The following ABCE1 variants were observed in gnomAD, a reference collection of about 807,000 sequenced individuals.
ABCE1 encodes the protein ATP-binding cassette sub-family E member 1.
In ABCE1, 22 loss-of-function variants were observed where a neutral mutation model predicts 83.4. That is an observed-to-expected ratio of 0.26 (90% CI 0.19 to 0.38). The LOEUF (loss-of-function observed/expected upper bound fraction) is 0.38. Ranked by LOEUF, ABCE1 falls within the 10% of genes least tolerant of loss-of-function variation. The pLI is 1.00. For synonymous variants in ABCE1, 204 were observed against 233.7 expected (o/e 0.87, Z 1.16); for missense variants, 330 against 721.9 (o/e 0.46, Z 6.22).
At chr4:145,100,313 C>T (rs1190861197) in intron 1 of ABCE1, among the ~76,000 whole-genome samples, 4 of 152,166 alleles carry the variant, frequency 2.6e-5, no homozygotes. Context: ...GTGATCACTG[C>T]CCTCAGCCAG....
intron 1 of ABCE1, among the ~76,000 whole-genome samples, 175 bp from the exon 2 acceptor site, chr4:145,104,211 C>T (rs1185598100): frequency 2.0e-5 from 3 of 151,666 alleles, no homozygotes; most frequent in Admixed American, 6.6e-5. Context: ...ATTTTCCCAA[C>T]CTTACTAGAT....
intron 1 of ABCE1, among the ~76,000 whole-genome samples, chr4:145,101,242 T>C (rs1009724601): frequency 2.0e-5 from 3 of 152,144 alleles, no homozygotes; most frequent in African/African-American, 7.2e-5. Context: ...GAGTAAGCCA[T>C]GTAACTCTCT....
At chr4:145,098,774 ACT>A (rs1748981517) in intron 1 of ABCE1, among the ~76,000 whole-genome samples, 1 of 152,168 alleles carries the variant, frequency 6.6e-6, no homozygotes, top group African/African-American at 2.4e-5. Flanking sequence ...AACTTACAGC[ACT>A]CTCTAGTACC....
At chr4:145,124,146 G>A (rs1420427998) in intron 16 of ABCE1, among the ~76,000 whole-genome samples, 2 of 152,132 alleles carry the variant, frequency 1.3e-5, no homozygotes, top group Non-Finnish European at 2.9e-5. Context: ...ATCAAGTTAT[G>A]AGAAATTCAT....
At chr4:145,102,767 G>A (rs939762594) in intron 1 of ABCE1, among the ~76,000 whole-genome samples, 1 of 152,206 alleles carries the variant, frequency 6.6e-6, no homozygotes, top group African/African-American at 2.4e-5. Flanking sequence ...AGAGTTGTTG[G>A]ATTGTTGTGT....
At chr4:145,114,066 TACTA>T (rs899921285) in intron 9 of ABCE1, among the ~76,000 whole-genome samples, 37 of 152,282 alleles carry the variant, frequency 2.4e-4, no homozygotes, top group Admixed American at 4.6e-4. Context: ...GTTCTACAGA[TACTA>T]ACTAATTCAT....
Position 145,111,046 on chromosome 4 carries a change from G to T in ABCE1, c.692G>T (p.Cys231Phe), listed in dbSNP as rs1749456180. ...CAGAGATTTGCTTGTGCTGTCGTTT[G>T]CATACAGAAAGCTGATATGTAGGTT... Reference protein sequence around the residue: ...ELQRFACAVVCIQKADIFMFD... With the variant: ...ELQRFACAVVFIQKADIFMFD... The change falls in exon 8 of 18, where the codon TGC (cysteine) becomes TTC (phenylalanine). Residue 231 changes from cysteine (C) to phenylalanine (F), a missense_variant. Physicochemically the swap from Cys to Phe is radical, Grantham distance 205. Transcript: ENST00000296577. The T allele has an allele frequency of 6.2e-7, 1 of 1,610,740 alleles. No homozygotes were observed. Among genetic ancestry groups the T allele is most frequent in the Admixed American group, 1.7e-5 (1 of 59,498 alleles).
In ABCE1 at chr4:145,128,497, A is replaced by G. The variant is rs1021529109; in HGVS notation, c.*924A>G. 9.8e-5 allele frequency: 15 copies of G among 152,310 alleles called. No individual in the cohort carries two copies. The highest frequency in any genetic ancestry group is 3.6e-4 in the African/African-American group (15 of 41,580). The allele number at this position is 152,310 out of a possible 1,614,324, so 9.4% of individuals were successfully genotyped here. On this transcript the variant is annotated 3_prime_UTR_variant, in exon 18 of 18. Coordinates refer to ENST00000296577, the MANE Select transcript of ABCE1 (RefSeq NM_002940.3). Reference sequence around the variant, plus strand: ...TATAAACCACTTCCCTAAAGGCAACATTAATGCAAAAGTCCCCAGATGGCA... The same window carrying G: ...TATAAACCACTTCCCTAAAGGCAACGTTAATGCAAAAGTCCCCAGATGGCA...
At chr4:145,111,554 C>A (rs1749476013) in intron 8 of ABCE1, among the ~76,000 whole-genome samples, 1 of 152,154 alleles carries the variant, frequency 6.6e-6, no homozygotes, top group Admixed American at 6.5e-5. Context: ...TCTTGATCTC[C>A]TGACCTCAAT....
intron 17 of ABCE1, 107 bp downstream of exon 17, chr4:145,125,208 T>A: frequency 1.3e-6 from 1 of 785,736 alleles, no homozygotes; most frequent in Admixed American, 2.8e-5. Flanking sequence ...GGCTCACACC[T>A]GTGATTCAAG....
At chr4:145,117,873 G>A (rs978200663) in intron 10 of ABCE1, among the ~76,000 whole-genome samples, 13 of 151,700 alleles carry the variant, frequency 8.6e-5, no homozygotes, top group Non-Finnish European at 1.8e-4. Context: ...AGATAGTTTA[G>A]TAAGTGTATT....
chr4:145,101,730 A>G (rs1213528494), intron 1 of ABCE1, among the ~76,000 whole-genome samples: 2 of 152,164 alleles, frequency 1.3e-5, no homozygotes, highest in Non-Finnish European at 1.5e-5. Flanking sequence ...GACTTCAAGG[A>G]TTTGGGCCTG....
intron 1 of ABCE1, among the ~76,000 whole-genome samples, chr4:145,098,774 A>C (rs1748981321): frequency 6.6e-6 from 1 of 152,050 alleles, no homozygotes; most frequent in Non-Finnish European, 1.5e-5. Flanking sequence ...AACTTACAGC[A>C]CTCTCTAGTA....
At position 145,113,744 on chromosome 4, in the gene ABCE1, G is replaced by A. The variant is rs145773374; in HGVS notation, c.800+1416G>A. ...ATATAATGCTACTAAAAAAGCAATA[G>A]GTAGATGTTCAGAAACCCAGACAAA... On this transcript the variant is annotated intron_variant, in intron 9 of 17. Transcript: ENST00000296577. Among the ~76,000 whole-genome samples, 118 of 152,176 alleles carry A rather than the reference G, an allele frequency of 7.8e-4. 1 individual carries two copies. The highest frequency in any genetic ancestry group is 2.6e-3 in the African/African-American group (110 of 41,536).
chr4:145,115,991 A>G (rs142715181), intron 9 of ABCE1, among the ~76,000 whole-genome samples: 26 of 152,070 alleles, frequency 1.7e-4, no homozygotes, highest in African/African-American at 5.3e-4. Flanking sequence ...CCAGTATTCA[A>G]GAGTGAGGGG....
chr4:145,127,218 A>G (rs183261782), intron 17 of ABCE1, among the ~76,000 whole-genome samples: 1 of 152,220 alleles, frequency 6.6e-6, no homozygotes, highest in South Asian at 2.1e-4. Flanking sequence ...ATTGATGAAA[A>G]TGGAATTTAA....
chr4:145,125,663 A>G (rs1383381840), intron 17 of ABCE1, among the ~76,000 whole-genome samples: 1 of 152,134 alleles, frequency 6.6e-6, no homozygotes, highest in Non-Finnish European at 1.5e-5. Flanking sequence ...TATATTGATT[A>G]CCACTTAAAA....
At chr4:145,119,531 A>G (rs1255943837) in intron 10 of ABCE1, among the ~76,000 whole-genome samples, 1 of 151,976 alleles carries the variant, frequency 6.6e-6, no homozygotes, top group Non-Finnish European at 1.5e-5. Context: ...ATGAAATTAA[A>G]TATTGATAAC....
chr4:145,125,206 C>T (rs1476174938), intron 17 of ABCE1, 105 bp downstream of exon 17: 1 of 799,810 alleles, frequency 1.3e-6, no homozygotes, highest in African/African-American at 1.8e-5. Flanking sequence ...GTGGCTCACA[C>T]CTGTGATTCA....
Sources: allele counts gnomAD v4.1 joint callset (sites outside exome capture counted in the v4.1 genomes callset), GRCh38; gene constraint gnomAD v4.1.1; transcripts MANE v1.5; gene names NCBI Gene and HGNC (gene_info 2026-07-23, HGNC 2026-07-21).